Variants in ZMYND8 observed in about 807,000 individuals in gnomAD.
The protein encoded by ZMYND8 is MYND-type zinc finger-containing chromatin reader ZMYND8.
ZMYND8 carries 37 observed loss-of-function variants against 140.8 expected under a neutral mutation model. The observed-to-expected ratio is 0.26, with a 90% confidence interval of 0.20 to 0.35. ZMYND8 has a LOEUF of 0.35. Among genes scored for constraint, ZMYND8 ranks in the 10% least tolerant of loss-of-function variants. The pLI, the probability that ZMYND8 is intolerant of heterozygous loss-of-function variation, is 1.00. For synonymous variants in ZMYND8, 592 were observed against 597.1 expected, an observed-to-expected ratio of 0.99 and a Z score of 0.12; for missense variants, 1,068 against 1,570.0, an observed-to-expected ratio of 0.68 and a Z score of 5.40.
intron 13 of ZMYND8, among the ~76,000 whole-genome samples, chr20:47,248,049 T>C (rs1289200619): frequency 6.6e-6 from 1 of 152,206 alleles, no homozygotes; most frequent in Non-Finnish European, 1.5e-5. Flanking sequence ...ACATATGTGA[T>C]AGGAAAAGCT....
chr20:47,236,410 G>A lies in ZMYND8; in HGVS notation c.2772C>T (p.Thr924=). ...PLVTSSGSMS[T]LVSSVNADLP... ...GGTCAGCGTTGACTGAGGACACAAG[G>A]GTGCTCATGGACCCCGAGCTGGTGA... Residue 924 remains threonine, a synonymous_variant, in exon 16 of 23, where the codon ACC becomes ACT. Transcript: ENST00000471951. 1 of 1,614,216 alleles carries A rather than the reference G, an allele frequency of 6.2e-7. No individual in the cohort carries two copies. Among genetic ancestry groups the A allele is most frequent in the Non-Finnish European group, 8.5e-7 (1 of 1,180,042 alleles).
At chr20:47,238,673 A>C in intron 15 of ZMYND8, 85 bp downstream of exon 15, 1 of 1,542,908 alleles carries the variant, frequency 6.5e-7, no homozygotes, top group Admixed American at 2.0e-5. Flanking sequence ...ACTAAAAAAA[A>C]AAAATAAAAG....
chr20:47,334,303 C>CCA (rs2081211537), intron 2 of ZMYND8, among the ~76,000 whole-genome samples: 1 of 152,134 alleles, frequency 6.6e-6, no homozygotes, highest in Admixed American at 6.6e-5. Flanking sequence ...CACTTCCGCA[C>CCA]CACTATAAGT....
chr20:47,308,285 C>T (rs1413838161), intron 3 of ZMYND8, among the ~76,000 whole-genome samples: 1 of 143,072 alleles, frequency 7.0e-6, no homozygotes, highest in African/African-American at 2.6e-5. Context: ...ATTATATGAT[C>T]TCAGCTCACT....
At chr20:47,217,246 G>C (rs1457985872) in intron 21 of ZMYND8, among the ~76,000 whole-genome samples, 1 of 150,572 alleles carries the variant, frequency 6.6e-6, no homozygotes, top group African/African-American at 2.5e-5. Flanking sequence ...CTTATTAGCA[G>C]AGCCACGCAC....
At chr20:47,352,187 CT>C (rs773828936) in intron 1 of ZMYND8, among the ~76,000 whole-genome samples, 2 of 152,166 alleles carry the variant, frequency 1.3e-5, no homozygotes, top group Non-Finnish European at 2.9e-5. Context: ...CCCGGTCCCC[CT>C]TCTCTTCTCA....
rs976787764 is a variant in ZMYND8, at chr20:47,328,679, G to A, written c.86-18475C>T. 1.9e-4 allele frequency among the ~76,000 whole-genome samples: 29 copies of A among 152,226 alleles called. 1 individual carries two copies. The highest frequency in any genetic ancestry group is 6.5e-4 in the African/African-American group (27 of 41,542). On this transcript the variant is annotated intron_variant, in intron 2 of 22. Transcript: ENST00000471951. ...GGGTTTCACCATCTTGGCCAGGCTGGTCTTGAACTCCTGACCTCAGGTAAT... is the reference window on the plus strand; with the variant it reads ...GGGTTTCACCATCTTGGCCAGGCTGATCTTGAACTCCTGACCTCAGGTAAT...
At chr20:47,271,579 T>C (rs2075949014) in intron 11 of ZMYND8, among the ~76,000 whole-genome samples, 1 of 152,232 alleles carries the variant, frequency 6.6e-6, no homozygotes, top group Admixed American at 6.5e-5. Flanking sequence ...TCCCTGTATT[T>C]GAGCTTTCAG....
rs1405312294 is a variant in ZMYND8 at position 47,294,523 on chromosome 20, G to C, written c.567+143C>G. On this transcript the variant is annotated intron_variant, in intron 5 of 22. Transcript: ENST00000471951. The stretch of plus-strand genomic sequence containing the variant: ...TTAACTGAATGGCATCATACCTCAT[G>C]TGTGATTTACACATACTTGAATTTG... 4.3e-6 allele frequency: 3 copies of C among 703,960 alleles called. No individual in the cohort carries two copies. The East Asian group carries it at 7.9e-5, about 19-fold the overall frequency. 43.6% of individuals were successfully genotyped at this position (703,960 alleles called of 1,614,324 possible).
At chr20:47,353,587 A>G (rs1001534241) in intron 1 of ZMYND8, 1 of 152,284 alleles carries the variant, frequency 6.6e-6, no homozygotes, top group Non-Finnish European at 1.5e-5. Flanking sequence ...TAATTTCCCA[A>G]AGCAGAAAGT....
chr20:47,338,478 C>G (rs1339188097), intron 2 of ZMYND8, among the ~76,000 whole-genome samples: 3 of 152,104 alleles, frequency 2.0e-5, no homozygotes, highest in African/African-American at 7.2e-5. Flanking sequence ...ACTGCGGACG[C>G]TGAGATCACT....
chr20:47,255,677 ATGTG>A (rs376160663), intron 12 of ZMYND8, among the ~76,000 whole-genome samples: 2 of 100,880 alleles, frequency 2.0e-5, no homozygotes, highest in South Asian at 4.1e-4. Context: ...TATATGGTGT[ATGTG>A]TGTGTGTGTA....
At chr20:47,294,313 C>T (rs2077498630) in intron 5 of ZMYND8, among the ~76,000 whole-genome samples, 1 of 152,006 alleles carries the variant, frequency 6.6e-6, no homozygotes, top group East Asian at 1.9e-4. Context: ...CATCACACCA[C>T]TGCACTCCAG....
intron 12 of ZMYND8, among the ~76,000 whole-genome samples, chr20:47,255,971 G>C (rs1385072205): frequency 1.3e-5 from 2 of 150,442 alleles, no homozygotes; most frequent in African/African-American, 4.9e-5. Flanking sequence ...TGCTTGGGAG[G>C]CTGAGGCAGG....
Position 47,214,699 on chromosome 20 carries a change from T to C in ZMYND8, c.3485-1974A>G, listed in dbSNP as rs187573857. On this transcript the variant is annotated intron_variant, in intron 21 of 22. Transcript: ENST00000471951. ...TAGTAGAGACGGGGTTTCACCATGT[T>C]GGTCAGGCTGGTCTTGAACTCCTGA... 5.1e-4 allele frequency among the ~76,000 whole-genome samples: 78 copies of C among 152,258 alleles called. 2 individuals carry two copies. The East Asian group carries it at 0.015, about 29-fold the overall frequency.
rs539763512 is a variant in ZMYND8 at position 47,292,286 on chromosome 20, G to GTTT, written c.568-401_568-399dup. ...ACGCCCTCTTCAATTTTTCTTCTTGGTTTTTAATTCTATGGGGCTGACAAA... is the reference window on the plus strand; with the variant it reads ...ACGCCCTCTTCAATTTTTCTTCTTGGTTTTTTTTAATTCTATGGGGCTGACAAA... On this transcript the variant is annotated intron_variant, in intron 5 of 22. Transcript: ENST00000471951. 1.7e-4 allele frequency among the ~76,000 whole-genome samples: 26 copies of GTTT among 152,112 alleles called. No individual in the cohort carries two copies. The East Asian group carries it at 4.4e-3, about 26-fold the overall frequency.
At chr20:47,255,872 G>A (rs925272018) in intron 12 of ZMYND8, among the ~76,000 whole-genome samples, 2 of 147,430 alleles carry the variant, frequency 1.4e-5, no homozygotes, top group African/African-American at 5.0e-5. Context: ...TCAGGAGTTC[G>A]AGACCAGCCT....
At chr20:47,211,055 C>T (rs1257490531) in intron 22 of ZMYND8, among the ~76,000 whole-genome samples, 158 bp from the exon 23 acceptor site, 3 of 152,162 alleles carry the variant, frequency 2.0e-5, no homozygotes, top group African/African-American at 7.2e-5. Context: ...ATCTGTGGGT[C>T]TGTAGAACAG....
intron 3 of ZMYND8, among the ~76,000 whole-genome samples, chr20:47,306,572 C>A: frequency 7.4e-6 from 1 of 134,636 alleles, no homozygotes; most frequent in Non-Finnish European, 1.5e-5. Flanking sequence ...GGATTATTTG[C>A]CTTTTTTTTT....
Sources: gnomAD v4.1 joint callset for allele counts (sites outside exome capture counted in the v4.1 genomes callset) on GRCh38, gnomAD v4.1.1 for gene constraint, MANE v1.5 for transcripts, NCBI Gene and HGNC (gene_info 2026-07-23, HGNC 2026-07-21) for gene names.